The following CR1 variants were observed in gnomAD, a reference collection of about 807,000 sequenced individuals.
CR1 encodes complement C3b/C4b receptor 1 (Knops blood group).
Under a neutral mutation model 187.3 loss-of-function variants are expected in CR1, and 116 were observed. The observed-to-expected ratio is 0.62, with a 90% CI of 0.53 to 0.72. The LOEUF (loss-of-function observed/expected upper bound fraction) is 0.72. CR1 is among the 30% of genes least tolerant of loss of function. CR1 has a pLI of 0.00. For missense variants in CR1, 1,731 were observed against 2,110.7 expected (o/e 0.82, Z 3.52); for synonymous variants, 576 against 747.1 (o/e 0.77, Z 3.73).
chr1:207,523,628 C>A lies in CR1; in HGVS notation c.505C>A (p.Pro169Thr). The A allele has an allele frequency of 6.2e-7, 1 of 1,613,932 alleles. No individual in the cohort carries two copies. Among genetic ancestry groups the A allele is most frequent in the Non-Finnish European group, 8.5e-7 (1 of 1,179,890 alleles). ...TTTTCCAGGAATTCCTTGTGGGCTA[C>A]CCCCCACCATCACCAATGGAGATTT... ...PICDRIPCGLPPTITNGDFIS... is the reference protein window; with the variant it reads ...PICDRIPCGLTPTITNGDFIS... Residue 169 changes from proline (P) to threonine (T), a missense_variant, in exon 5 of 47, where the codon CCC (proline) becomes ACC (threonine). Coordinates refer to ENST00000367049, the MANE Select transcript of CR1 (RefSeq NM_000651.6).
rs909968383 is a variant in CR1 at position 207,511,762 on chromosome 1, G to C, written c.487+108G>C. On this transcript the variant is annotated intron_variant, in intron 4 of 46. Transcript: ENST00000367049. ...CTTCTGTGCAATCTGTCCTTCACAC[G>C]GCTGAAGACTGCGGTAATGTTCTCG... The C allele has an allele frequency of 2.9e-6, 3 of 1,044,644 alleles. No individual in the cohort carries two copies. The African/African-American group carries it at 4.7e-5, about 17-fold the overall frequency. The allele number at this position is 1,044,644 out of a possible 1,614,324, so 64.7% of individuals were successfully genotyped here. A position where few individuals can be genotyped will look rare whatever the true frequency, so the allele number is the denominator to read the frequency against.
rs771491979 is a variant in CR1 at position 207,526,874 on chromosome 1, G to A, written c.1008G>A (p.Ala336=). 9.4e-6 allele frequency: 14 copies of A among 1,496,090 alleles called. 2 individuals carry two copies. Among genetic ancestry groups the A allele is most frequent in the South Asian group, 6.5e-5 (5 of 77,148 alleles). 92.7% of individuals were successfully genotyped at this position (1,496,090 alleles called of 1,614,324 possible). Residue 336 remains alanine, a synonymous_variant, in exon 6 of 47, where the codon GCG becomes GCA. Coordinates refer to ENST00000367049, the MANE Select transcript of CR1 (RefSeq NM_000651.6). ...CCGGCTACGACCTCAGAGGGGCTGC[G>A]TCTATGCGCTGCACACCCCAGGGAG... ...CEPGYDLRGA[A]SMRCTPQGDW...
At chr1:207,509,545 A>G (rs778588473) in intron 3 of CR1, among the ~76,000 whole-genome samples, 16 of 152,164 alleles carry the variant, frequency 1.1e-4, no homozygotes, top group Non-Finnish European at 1.6e-4. Context: ...ATATTCTTCT[A>G]TCTGTTCCCC....
chr1:207,583,885 C>T (rs1198663843), intron 32 of CR1, among the ~76,000 whole-genome samples: 2 of 152,082 alleles, frequency 1.3e-5, no homozygotes, highest in African/African-American at 4.8e-5. Context: ...ATTAGTTTAT[C>T]TATAATTCTT....
intron 37 of CR1, among the ~76,000 whole-genome samples, chr1:207,609,933 T>C (rs1661872572): frequency 6.6e-6 from 1 of 152,230 alleles, no homozygotes; most frequent in African/African-American, 2.4e-5. Flanking sequence ...GTAGCTACTA[T>C]TGGTATCCCC....
At chr1:207,513,504 T>C (rs1659684815) in intron 4 of CR1, among the ~76,000 whole-genome samples, 1 of 152,182 alleles carries the variant, frequency 6.6e-6, no homozygotes, top group Non-Finnish European at 1.5e-5. Flanking sequence ...ACCAGCTCTA[T>C]CCAAGGATAC....
intron 39 of CR1, 121 bp from the exon 40 acceptor site, chr1:207,614,283 T>A: frequency 1.3e-6 from 1 of 760,504 alleles, no homozygotes; most frequent in East Asian, 3.3e-5. Context: ...GGCCTGAACC[T>A]AAGACCTAAA....
rs1000363200 is a variant in CR1 at position 207,575,765 on chromosome 1, C to T, written c.4537+85C>T. ...GAATTACAAAGAATGGATCTCATCC[C>T]TCTTGGAAATGGTATCCTTCTGATA... On this transcript the variant is annotated intron_variant, in intron 28 of 46. Transcript: ENST00000367049. 2.1e-5 allele frequency: 33 copies of T among 1,590,908 alleles called. No homozygotes were observed. The East Asian group carries it at 4.9e-4, about 24-fold the overall frequency.
rs757075631 is a variant in CR1 at position 207,611,797 on chromosome 1, C to T, written c.6416C>T (p.Ala2139Val). 3.5e-5 allele frequency: 56 copies of T among 1,613,880 alleles called. No individual in the cohort carries two copies. Among genetic ancestry groups the T allele is most frequent in the South Asian group, 9.9e-5 (9 of 91,090 alleles). Residue 2139 changes from alanine (A) to valine (V), a missense_variant, in exon 38 of 47, where the codon GCG becomes GTG. Ala to Val is a moderately conservative substitution (Grantham distance 64, BLOSUM62 0). Coordinates refer to ENST00000367049, the MANE Select transcript of CR1 (RefSeq NM_000651.6). Reference protein sequence around the residue: ...CEPSYDLRGAASLHCTPQGDW... With the variant: ...CEPSYDLRGAVSLHCTPQGDW... ...CCCAGCTATGACCTCAGAGGGGCTGCGTCTCTGCACTGCACGCCCCAGGGA... is the reference window on the plus strand; with the variant it reads ...CCCAGCTATGACCTCAGAGGGGCTGTGTCTCTGCACTGCACGCCCCAGGGA...
intron 32 of CR1, among the ~76,000 whole-genome samples, chr1:207,584,000 A>AAAAT (rs1039887708): frequency 5.3e-5 from 8 of 152,218 alleles, no homozygotes; most frequent in Non-Finnish European, 8.8e-5. Context: ...TTTAATGAAA[A>AAAAT]AAATAAATAA....
chr1:207,508,272 A>T (rs1378402638), intron 3 of CR1, among the ~76,000 whole-genome samples: 1 of 152,222 alleles, frequency 6.6e-6, no homozygotes. Context: ...CCAAGAGTGG[A>T]CCCTAACATA....
rs55900983 is a variant in CR1 at position 207,617,555 on chromosome 1, A to G, written c.6890-516A>G. 7.0e-3 allele frequency among the ~76,000 whole-genome samples: 729 copies of G among 103,656 alleles called. 41 individuals carry two copies. Among genetic ancestry groups the G allele is most frequent in the Middle Eastern group, 0.035 (7 of 200 alleles). The allele number at this position is 103,656 out of a possible 152,430, so 68.0% of individuals were successfully genotyped here. ...TGTGTGTGTATGTGTGTATATATAT[A>G]TGTGTATATATATGTGTGTGTGTAT... On this transcript the variant is annotated intron_variant, in intron 41 of 46. Transcript: ENST00000367049.
At chr1:207,515,184 T>TATAC (rs1659761170) in intron 4 of CR1, among the ~76,000 whole-genome samples, 1 of 83,090 alleles carries the variant, frequency 1.2e-5, no homozygotes, top group African/African-American at 6.0e-5. Flanking sequence ...TATACATATA[T>TATAC]ACGTATATAT....
chr1:207,630,493 T>C, intron 45 of CR1, 24 bp from the exon 46 acceptor site: 5 of 1,444,366 alleles, frequency 3.5e-6, no homozygotes, highest in Non-Finnish European at 4.7e-6. Context: ...AGACAGTTTT[T>C]CTATTTTTTT....
chr1:207,508,651 G>A (rs1659522164), intron 3 of CR1, among the ~76,000 whole-genome samples: 1 of 152,046 alleles, frequency 6.6e-6, no homozygotes, highest in South Asian at 2.1e-4. Context: ...GGGGAAAATT[G>A]AGTAAATAGT....
In CR1 at chr1:207,618,128, T is replaced by C. The variant is rs1364850488; in HGVS notation, c.6947T>C (p.Leu2316Pro). 18 of 1,613,982 alleles carry C rather than the reference T, an allele frequency of 1.1e-5. No individual in the cohort carries two copies. The highest frequency in any genetic ancestry group is 1.4e-5 in the Non-Finnish European group (17 of 1,179,876). Residue 2316 changes from leucine (L) to proline (P), a missense_variant, in exon 42 of 47, where the codon CTA becomes CCA. By Grantham distance (98) the Leu-to-Pro change is moderately conservative. Around this residue, in one of 5 missense-constraint regions of CR1, gnomAD observed 1,312 missense variants for 1,379.6 expected, o/e 0.95. Transcript: ENST00000367049. ...NGHYIGGHVSLYLPGMTISYI... is the reference protein window; with the variant it reads ...NGHYIGGHVSPYLPGMTISYI... ...CATTACATTGGAGGACACGTATCTC[T>C]ATATCTTCCTGGGATGACAATCAGC...
intron 33 of CR1, among the ~76,000 whole-genome samples, chr1:207,587,039 T>G (rs595121): frequency 0.068 from 10,322 of 152,202 alleles, 1,178 homozygotes; most frequent in African/African-American, 0.23. Flanking sequence ...TTGCTACTCA[T>G]GAGTGAATTA....
At chr1:207,598,694 A>G (rs1571578394) in intron 35 of CR1, among the ~76,000 whole-genome samples, 1 of 152,242 alleles carries the variant, frequency 6.6e-6, no homozygotes, top group African/African-American at 2.4e-5. Context: ...CTGGGATTAC[A>G]GGTGGGAGCC....
At chr1:207,619,332 C>T (rs1181124276) in intron 42 of CR1, among the ~76,000 whole-genome samples, 1 of 143,328 alleles carries the variant, frequency 7.0e-6, no homozygotes, top group African/African-American at 2.6e-5. Context: ...GCTGTGAGCC[C>T]AGATCGCGCC....
Sources: allele counts gnomAD v4.1 joint callset (sites outside exome capture counted in the v4.1 genomes callset), GRCh38; gene constraint gnomAD v4.1.1; regional missense constraint gnomAD v4.1.1; transcripts MANE v1.5; gene names NCBI Gene and HGNC (gene_info 2026-07-23, HGNC 2026-07-21).